Variants in DLG1 observed in about 807,000 individuals in gnomAD.
DLG1 encodes discs large MAGUK scaffold protein 1.
Under a neutral mutation model 123.4 loss-of-function variants are expected in DLG1, and 42 were observed. The observed-to-expected ratio is 0.34, with a 90% CI of 0.27 to 0.44. DLG1 has a LOEUF of 0.44. DLG1 is among the 20% of genes least tolerant of loss of function. The probability of loss-of-function intolerance (pLI) is 1.00; values close to 1 mark genes in which losing one functional copy is unlikely to be tolerated. For synonymous variants in DLG1, 317 were observed against 356.2 expected, an observed-to-expected ratio of 0.89 and a Z score of 1.24; for missense variants, 942 against 1,082.6, an observed-to-expected ratio of 0.87 and a Z score of 1.82.
intron 5 of DLG1, chr3:197,183,522 A>G (rs1713823097): frequency 6.8e-7 from 1 of 1,475,166 alleles, no homozygotes; most frequent in Non-Finnish European, 9.2e-7. Flanking sequence ...ATTTTTACAG[A>G]GCAAACGTAA....
intron 13 of DLG1, among the ~76,000 whole-genome samples, chr3:197,107,917 G>C (rs899411143): frequency 2.0e-5 from 3 of 151,794 alleles, no homozygotes; most frequent in African/African-American, 7.3e-5. Flanking sequence ...AAAGCTTTCA[G>C]TCTCTCACCA....
At chr3:197,204,603 G>A (rs1478591996) in intron 4 of DLG1, among the ~76,000 whole-genome samples, 3 of 152,138 alleles carry the variant, frequency 2.0e-5, no homozygotes, top group Non-Finnish European at 2.9e-5. Context: ...CCATATCTGT[G>A]AGTTCCATAT....
chr3:197,108,685 G>A (rs1398078778), intron 13 of DLG1, among the ~76,000 whole-genome samples: 1 of 152,092 alleles, frequency 6.6e-6, no homozygotes, highest in Non-Finnish European at 1.5e-5. Flanking sequence ...AGCCACAGTA[G>A]GTGTCTTTTG....
intron 4 of DLG1, among the ~76,000 whole-genome samples, chr3:197,262,841 G>A (rs999305422): frequency 6.6e-6 from 1 of 152,092 alleles, no homozygotes; most frequent in Non-Finnish European, 1.5e-5. Flanking sequence ...GGGAAAAAAT[G>A]GTTTTTCTCC....
At chr3:197,226,975 A>T (rs1740296969) in intron 4 of DLG1, among the ~76,000 whole-genome samples, 1 of 152,216 alleles carries the variant, frequency 6.6e-6, no homozygotes, top group African/African-American at 2.4e-5. Flanking sequence ...CACAGATGTT[A>T]CATCTTATGC....
At chr3:197,065,892 C>G (rs535228617) in intron 20 of DLG1, 83 bp from the exon 21 acceptor site, 242 of 897,358 alleles carry the variant, frequency 2.7e-4, no homozygotes, top group Admixed American at 4.0e-4. Context: ...ACAAAAATAT[C>G]CTTAACTGTT....
intron 5 of DLG1, among the ~76,000 whole-genome samples, chr3:197,168,777 A>G (rs1802633312): frequency 6.6e-6 from 1 of 152,208 alleles, no homozygotes; most frequent in Admixed American, 6.5e-5. Flanking sequence ...GTTTTAAAAA[A>G]AATCTTGACC....
At position 197,296,421 on chromosome 3, in the gene DLG1, C is replaced by T; in HGVS notation, c.76G>A (p.Glu26Lys). The change falls in exon 3 of 25, where the codon GAA becomes AAA. Residue 26 changes from glutamate to lysine, a missense_variant. By Grantham distance (56) the Glu-to-Lys change is moderately conservative (BLOSUM62 1). Transcript: ENST00000667157. ...EEYRSKLSQT[E>K]DRQLRSSIER... ...ATGGAACTTCTGAGCTGTCTGTCTT[C>T]AGTTTGGCTTAGTTTTGAACGATAT... The T allele has an allele frequency of 6.2e-7, 1 of 1,613,552 alleles. No individual in the cohort carries two copies. Among genetic ancestry groups the T allele is most frequent in the Non-Finnish European group, 8.5e-7 (1 of 1,179,550 alleles).
At chr3:197,142,402 T>C (rs746766391) in intron 7 of DLG1, among the ~76,000 whole-genome samples, 1 of 152,108 alleles carries the variant, frequency 6.6e-6, no homozygotes, top group Non-Finnish European at 1.5e-5. Context: ...GGTGTCTTAG[T>C]TGAAATAAAT....
At chr3:197,191,380 C>T (rs1402647414) in intron 5 of DLG1, among the ~76,000 whole-genome samples, 1 of 152,134 alleles carries the variant, frequency 6.6e-6, no homozygotes. Flanking sequence ...CAACGGAAAG[C>T]TGAGGTTTCA....
intron 5 of DLG1, among the ~76,000 whole-genome samples, 172 bp from the exon 6 acceptor site, chr3:197,149,968 G>C (rs945657204): frequency 6.6e-6 from 1 of 152,216 alleles, no homozygotes; most frequent in African/African-American, 2.4e-5. Flanking sequence ...AAAAAATTAT[G>C]TATAAGCAGT....
At chr3:197,161,334 G>A (rs1432610762) in intron 5 of DLG1, among the ~76,000 whole-genome samples, 1 of 152,116 alleles carries the variant, frequency 6.6e-6, no homozygotes, top group Admixed American at 6.5e-5. Context: ...AGAATAAAGT[G>A]TTCTAAAGTA....
At position 197,203,965 on chromosome 3, in the gene DLG1, G is replaced by C. The variant is rs1727205126; in HGVS notation, c.319-9376C>G. On this transcript the variant is annotated intron_variant, in intron 4 of 24. Transcript: ENST00000667157. ...CTATGCAAAGAGTCATACTGGGTTAGGAATGAATCTCTCTGTGGCAGAAGG... is the reference window on the plus strand; with the variant it reads ...CTATGCAAAGAGTCATACTGGGTTACGAATGAATCTCTCTGTGGCAGAAGG... Among the ~76,000 whole-genome samples, 3 of 152,188 alleles carry C rather than the reference G, an allele frequency of 2.0e-5. 1 individual carries two copies. The South Asian group carries it at 6.2e-4, about 31-fold the overall frequency.
At chr3:197,291,502 C>A (rs1385716680) in intron 3 of DLG1, among the ~76,000 whole-genome samples, 1 of 152,170 alleles carries the variant, frequency 6.6e-6, no homozygotes, top group Non-Finnish European at 1.5e-5. Context: ...ACATAATGCA[C>A]CATTATAAAT....
intron 4 of DLG1, among the ~76,000 whole-genome samples, chr3:197,275,458 C>G (rs1765953547): frequency 6.6e-6 from 1 of 152,190 alleles, no homozygotes. Flanking sequence ...GTTTATCGCA[C>G]CACTATTCAC....
intron 18 of DLG1, among the ~76,000 whole-genome samples, chr3:197,071,650 A>G (rs2148953397): frequency 6.6e-6 from 1 of 152,336 alleles, no homozygotes; most frequent in South Asian, 2.1e-4. Flanking sequence ...GCATTTTACC[A>G]AAGAAGACAG....
intron 24 of DLG1, among the ~76,000 whole-genome samples, chr3:197,047,838 A>C (rs1448790881): frequency 6.6e-6 from 1 of 152,198 alleles, no homozygotes; most frequent in East Asian, 1.9e-4. Context: ...ACACAGGGAA[A>C]AAAGCGCCTT....
chr3:197,180,575 CA>C (rs1809691762), intron 5 of DLG1, among the ~76,000 whole-genome samples: 1 of 152,042 alleles, frequency 6.6e-6, no homozygotes, highest in South Asian at 2.1e-4. Flanking sequence ...AAAAATAAAA[CA>C]ACCTCTCAAA....
At chr3:197,176,417 C>G (rs1807122198) in intron 5 of DLG1, among the ~76,000 whole-genome samples, 1 of 152,138 alleles carries the variant, frequency 6.6e-6, no homozygotes, top group African/African-American at 2.4e-5. Context: ...ATTATAGTAT[C>G]ATACAGAATG....
Sources: gnomAD v4.1 joint callset for allele counts (sites outside exome capture counted in the v4.1 genomes callset) on GRCh38, gnomAD v4.1.1 for gene constraint, MANE v1.5 for transcripts, NCBI Gene and HGNC (gene_info 2026-07-23, HGNC 2026-07-21) for gene names.